PYGL: variants seen among roughly 807,000 people sequenced by gnomAD.
PYGL encodes glycogen phosphorylase, liver form.
Under a neutral mutation model 100.1 loss-of-function variants are expected in PYGL, and 90 were observed. The ratio of observed to expected loss-of-function variants is 0.90; its 90% CI spans 0.76 to 1.07. PYGL has a LOEUF of 1.07. PYGL is among the 50% of genes least tolerant of loss of function. PYGL has a pLI of 0.00. For synonymous variants in PYGL, 373 were observed against 393.0 expected, an observed-to-expected ratio of 0.95 and a Z score of 0.60; for missense variants, 1,016 against 1,057.6, an observed-to-expected ratio of 0.96 and a Z score of 0.55.
At chr14:50,916,122 C>T in intron 9 of PYGL, 151 bp from the exon 10 acceptor site, 3 of 1,098,558 alleles carry the variant, frequency 2.7e-6, no homozygotes, top group Non-Finnish European at 3.9e-6. Context: ...CCTGAATAGT[C>T]CAGATAATAG....
rs571491622 is a variant in PYGL at position 50,919,785 on chromosome 14, G to A, written c.855+756C>T. 8.5e-5 allele frequency among the ~76,000 whole-genome samples: 13 copies of A among 152,134 alleles called. No homozygotes were observed. In the East Asian group the frequency reaches 2.3e-3, roughly 27 times the overall value. On this transcript the variant is annotated intron_variant, in intron 7 of 19. Transcript: ENST00000216392. ...CAATCTCTGTCTCCCAGGCTCAAGC[G>A]ATTTTCCTGCCTCAGCCTCTCCAGT...
In PYGL at chr14:50,912,197, C is replaced by T. The variant is rs267604000; in HGVS notation, c.1727G>A (p.Arg576Gln). ...CACATGCAGACAGTTCAAGAGCTGT[C>T]GCTTGTACTCATGTATCCTCTTCAC... is the stretch of plus-strand genomic sequence containing the variant. ...VQVKRIHEYKRQLLNCLHVIT... is the reference protein window; with the variant it reads ...VQVKRIHEYKQQLLNCLHVIT... Residue 576 changes from arginine (R) to glutamine (Q), a missense_variant, in exon 14 of 20, where the codon CGA (arginine) becomes CAA (glutamine). Coordinates refer to ENST00000216392, the MANE Select transcript of PYGL (RefSeq NM_002863.5). The T allele has an allele frequency of 5.6e-6, 9 of 1,614,026 alleles. No individual in the cohort carries two copies. The highest frequency in any genetic ancestry group is 3.3e-5 in the Admixed American group (2 of 59,994).
intron 11 of PYGL, 187 bp downstream of exon 11, chr14:50,915,149 G>T: frequency 1.3e-6 from 1 of 790,120 alleles, no homozygotes; most frequent in Non-Finnish European, 2.0e-6. Flanking sequence ...GCTCTGAGAG[G>T]AAAGCATTCT....
chr14:50,909,326 G>A (rs2050367975), intron 17 of PYGL, among the ~76,000 whole-genome samples: 1 of 152,146 alleles, frequency 6.6e-6, no homozygotes, highest in African/African-American at 2.4e-5. Flanking sequence ...CTCAAAAGTT[G>A]TTGCTACTGA....
intron 5 of PYGL, chr14:50,921,582 G>T (rs559270040): frequency 2.6e-5 from 4 of 155,696 alleles, no homozygotes; most frequent in African/African-American, 9.6e-5. Context: ...AGGTTTCACC[G>T]TGTTAGCCAG....
intron 5 of PYGL, among the ~76,000 whole-genome samples, chr14:50,922,451 C>A (rs1437459343): frequency 2.0e-5 from 3 of 152,218 alleles, no homozygotes; most frequent in East Asian, 3.9e-4. Context: ...ACTTTTAAAG[C>A]AAGTTGTAAT....
chr14:50,934,980 C>T (rs2050640811), intron 3 of PYGL, 127 bp downstream of exon 3: 1 of 844,234 alleles, frequency 1.2e-6, no homozygotes, highest in African/African-American at 1.7e-5. Context: ...ACAAATACAT[C>T]TACAACCAGG....
intron 2 of PYGL, among the ~76,000 whole-genome samples, chr14:50,935,608 A>T (rs904259384): frequency 6.6e-6 from 1 of 152,232 alleles, no homozygotes; most frequent in Non-Finnish European, 1.5e-5. Flanking sequence ...TATTATCATT[A>T]AAAAAAATTG....
chr14:50,944,411 G>A lies in PYGL; in HGVS notation c.-8C>T. ...CGTCAGGGGCTTCGCCATGGCTGGG[G>A]CGGCGGGCTGCGCGGCGGGCTGCGC... On this transcript the variant is annotated 5_prime_UTR_variant, in exon 1 of 20. Coordinates refer to ENST00000216392, the MANE Select transcript of PYGL (RefSeq NM_002863.5). The A allele has an allele frequency of 1.3e-6, 2 of 1,599,600 alleles. No homozygotes were observed. The highest frequency in any genetic ancestry group is 1.7e-6 in the Non-Finnish European group (2 of 1,176,390).
In PYGL at chr14:50,944,426, G is replaced by T. The variant is rs1253699570; in HGVS notation, c.-23C>A. On this transcript the variant is annotated 5_prime_UTR_variant, in exon 1 of 20. Coordinates refer to ENST00000216392, the MANE Select transcript of PYGL (RefSeq NM_002863.5). ...CATGGCTGGGGCGGCGGGCTGCGCGGCGGGCTGCGCAGAGAGCTGGAAGTG... is the reference window on the plus strand; with the variant it reads ...CATGGCTGGGGCGGCGGGCTGCGCGTCGGGCTGCGCAGAGAGCTGGAAGTG... The T allele has an allele frequency of 1.9e-6, 3 of 1,590,220 alleles. No homozygotes were observed. Among genetic ancestry groups the T allele is most frequent in the Admixed American group, 3.5e-5 (2 of 57,638 alleles).
At chr14:50,938,608 G>A (rs1267086252) in intron 1 of PYGL, among the ~76,000 whole-genome samples, 1 of 152,172 alleles carries the variant, frequency 6.6e-6, no homozygotes, top group Non-Finnish European at 1.5e-5. Context: ...AGTCTGGGAT[G>A]GTGACTCCTT....
At position 50,935,010 on chromosome 14, in the gene PYGL, T is replaced by C. The variant is rs143507201; in HGVS notation, c.424+97A>G. On this transcript the variant is annotated intron_variant, in intron 3 of 19. Transcript: ENST00000216392. ...ACCAGGTCATACCTTGCGCTTCTTC[T>C]AGGAAGCCTGCCTGGTTCTTGCAAG... 1.1e-3 allele frequency: 1,269 copies of C among 1,194,730 alleles called. 11 individuals carry two copies. In the African/African-American group the frequency reaches 0.017, roughly 16 times the overall value. 74.0% of individuals were successfully genotyped at this position (1,194,730 alleles called of 1,614,324 possible). A position where few individuals can be genotyped will look rare whatever the true frequency, so the allele number is the denominator to read the frequency against.
chr14:50,944,340 C>T lies in PYGL; in HGVS notation c.64G>A (p.Val22Met), dbSNP rs765957995. 3 of 1,613,922 alleles carry T rather than the reference C, an allele frequency of 1.9e-6. No individual in the cohort carries two copies. The highest frequency in any genetic ancestry group is 1.6e-4 in the Middle Eastern group (1 of 6,062). ...RQISIRGIVG[V>M]ENVAELKKSF... ...TTCTTCAGCTCTGCCACGTTCTCCACGCCCACGATGCCGCGGATGCTGATC... is the reference window on the plus strand; with the variant it reads ...TTCTTCAGCTCTGCCACGTTCTCCATGCCCACGATGCCGCGGATGCTGATC... The change falls in exon 1 of 20, where the codon GTG becomes ATG. Residue 22 changes from valine (V) to methionine (M), a missense_variant. Physicochemically the swap from Val to Met is conservative, Grantham distance 21 (BLOSUM62 1). Transcript: ENST00000216392.
intron 1 of PYGL, among the ~76,000 whole-genome samples, chr14:50,938,207 A>G (rs1168590992): frequency 6.6e-6 from 1 of 152,120 alleles, no homozygotes; most frequent in Admixed American, 6.5e-5. Context: ...AAATATTTCA[A>G]AATCTTTTCT....
intron 4 of PYGL, among the ~76,000 whole-genome samples, chr14:50,928,666 T>G (rs11845307): frequency 0.23 from 34,487 of 152,066 alleles, 4,370 homozygotes; most frequent in East Asian, 0.45. Context: ...CGATGAACAC[T>G]CCACGCCTGC....
At chr14:50,914,500 A>AATAATAATAAT (rs1400315244) in intron 12 of PYGL, among the ~76,000 whole-genome samples, 1 of 151,014 alleles carries the variant, frequency 6.6e-6, no homozygotes, top group East Asian at 1.9e-4. Flanking sequence ...CTGTCTCAAT[A>AATAATAATAAT]ATAATAATAA....
chr14:50,909,801 T>C, intron 17 of PYGL, 94 bp downstream of exon 17: 12 of 1,384,624 alleles, frequency 8.7e-6, no homozygotes, highest in Non-Finnish European at 1.2e-5. Flanking sequence ...CCAATTTCAG[T>C]GGGATATCGG....
At chr14:50,921,259 C>T in intron 5 of PYGL, 192 bp from the exon 6 acceptor site, 3 of 590,590 alleles carry the variant, frequency 5.1e-6, no homozygotes, top group Admixed American at 2.9e-5. Context: ...TCCTCCCCGA[C>T]CTGGTACAAT....
At chr14:50,941,602 C>A (rs972840536) in intron 1 of PYGL, among the ~76,000 whole-genome samples, 1 of 152,174 alleles carries the variant, frequency 6.6e-6, no homozygotes, top group African/African-American at 2.4e-5. Flanking sequence ...ACACAGAGGC[C>A]AGTCGTGGTG....
Sources: allele counts gnomAD v4.1 joint callset (sites outside exome capture counted in the v4.1 genomes callset), GRCh38; gene constraint gnomAD v4.1.1; transcripts MANE v1.5; gene names NCBI Gene and HGNC (gene_info 2026-07-23, HGNC 2026-07-21).